Variants in WASF1 observed in about 807,000 individuals in gnomAD.
WASF1 encodes the protein actin-binding protein WASF1.
WASF1 carries 7 observed loss-of-function variants against 50.5 expected under a neutral mutation model. The observed-to-expected ratio is 0.14, with a 90% CI of 0.08 to 0.26. The LOEUF (loss-of-function observed/expected upper bound fraction) is 0.26. WASF1 is among the 10% of genes least tolerant of loss of function. The pLI is 1.00. For synonymous variants in WASF1, 205 were observed against 244.0 expected (o/e 0.84, Z 1.49); for missense variants, 470 against 694.7 (o/e 0.68, Z 3.64).
At chr6:110,177,471 T>C (rs1776979419) in intron 2 of WASF1, among the ~76,000 whole-genome samples, 1 of 152,114 alleles carries the variant, frequency 6.6e-6, no homozygotes, top group African/African-American at 2.4e-5. Flanking sequence ...AATCCTGACA[T>C]TTTTTCATTG....
chr6:110,179,480 T>A lies in WASF1; in HGVS notation c.-313A>T, dbSNP rs1395331239. 1 of 152,008 alleles carries A rather than the reference T, an allele frequency of 6.6e-6. No individual in the cohort carries two copies. Among genetic ancestry groups the A allele is most frequent in the East Asian group, 1.9e-4 (1 of 5,138 alleles). The allele number at this position is 152,008 out of a possible 1,614,324, so 9.4% of individuals were successfully genotyped here. ...CTCACGCCTTACCCCTTCTTCATGC[T>A]TCGGCAGCGGTCGCCGGTCCCCCTC... On this transcript the variant is annotated 5_prime_UTR_variant, in exon 1 of 11. In the 5' UTR this introduces an upstream ATG that the reference lacks. Transcript: ENST00000392589.
At chr6:110,127,661 T>C (rs760008506) in intron 3 of WASF1, 32 bp from the exon 4 acceptor site, 599 of 1,452,726 alleles carry the variant, frequency 4.1e-4, no homozygotes, top group Non-Finnish European at 5.2e-4. Context: ...TTAACAATAT[T>C]AAATTTCAGC....
chr6:110,124,677 CGGGT>C (rs1191172392), intron 4 of WASF1, among the ~76,000 whole-genome samples: 1 of 151,998 alleles, frequency 6.6e-6, no homozygotes, highest in Non-Finnish European at 1.5e-5. Context: ...GAGGCCGAGG[CGGGT>C]GGATCACTTG....
chr6:110,143,669 T>C (rs1440044391), intron 3 of WASF1, among the ~76,000 whole-genome samples: 1 of 152,176 alleles, frequency 6.6e-6, no homozygotes, highest in Non-Finnish European at 1.5e-5. Context: ...CATTAACAGT[T>C]AATAATTGCT....
At chr6:110,178,098 C>A (rs1349384268) in intron 2 of WASF1, among the ~76,000 whole-genome samples, 1 of 151,234 alleles carries the variant, frequency 6.6e-6, no homozygotes, top group South Asian at 2.1e-4. Context: ...AAAATAAAAT[C>A]AGATAAATTA....
At chr6:110,121,670 G>C (rs759362072) in intron 4 of WASF1, among the ~76,000 whole-genome samples, 1 of 152,090 alleles carries the variant, frequency 6.6e-6, no homozygotes, top group Non-Finnish European at 1.5e-5. Flanking sequence ...TTGATCCAGC[G>C]ATCCCATTAC....
intron 2 of WASF1, among the ~76,000 whole-genome samples, chr6:110,174,407 C>CTATG (rs1296930069): frequency 6.6e-6 from 1 of 152,134 alleles, no homozygotes; most frequent in Non-Finnish European, 1.5e-5. Flanking sequence ...TGATTATGAA[C>CTATG]TATGAATCAC....
At chr6:110,137,820 C>T (rs1775035615) in intron 3 of WASF1, among the ~76,000 whole-genome samples, 1 of 152,222 alleles carries the variant, frequency 6.6e-6, no homozygotes, top group African/African-American at 2.4e-5. Flanking sequence ...AGAAAATAAA[C>T]TGTAACTAAT....
At position 110,133,140 on chromosome 6, in the gene WASF1, G is replaced by A. The variant is rs560755101; in HGVS notation, c.-28-5511C>T. The stretch of plus-strand genomic sequence containing the variant: ...ACTCACTTTTCTTTATCCACTTGTC[G>A]AATGATAAGCATTTGGGCTGGTTCC... On this transcript the variant is annotated intron_variant, in intron 3 of 10. Coordinates refer to ENST00000392589, the MANE Select transcript of WASF1 (RefSeq NM_003931.3). Among the ~76,000 whole-genome samples, 5 of 151,976 alleles carry A rather than the reference G, an allele frequency of 3.3e-5. No individual in the cohort carries two copies. In the South Asian group the frequency reaches 8.3e-4, roughly 25 times the overall value.
chr6:110,175,393 T>TA (rs573296732), intron 2 of WASF1, among the ~76,000 whole-genome samples: 95 of 152,112 alleles, frequency 6.2e-4, no homozygotes, highest in African/African-American at 2.3e-3. Flanking sequence ...TTTAAGAGAC[T>TA]AAAAAATCTT....
intron 3 of WASF1, among the ~76,000 whole-genome samples, chr6:110,128,957 A>T (rs1211237073): frequency 6.6e-6 from 1 of 152,168 alleles, no homozygotes; most frequent in African/African-American, 2.4e-5. Flanking sequence ...GAGGTGGTAC[A>T]GTTTCATCGC....
chr6:110,151,512 C>A (rs1159840245), intron 3 of WASF1, among the ~76,000 whole-genome samples: 1 of 152,112 alleles, frequency 6.6e-6, no homozygotes, highest in Non-Finnish European at 1.5e-5. Context: ...TATAAGAATT[C>A]TATAAACTCA....
At chr6:110,121,868 G>A (rs1443843848) in intron 4 of WASF1, among the ~76,000 whole-genome samples, 2 of 152,146 alleles carry the variant, frequency 1.3e-5, no homozygotes, top group African/African-American at 4.8e-5. Flanking sequence ...AAAAGGATGA[G>A]TTCATGTCCT....
chr6:110,111,390 G>A (rs982540253), intron 5 of WASF1, among the ~76,000 whole-genome samples: 1 of 151,332 alleles, frequency 6.6e-6, no homozygotes, highest in Non-Finnish European at 1.5e-5. Context: ...ACCTAAAGAA[G>A]GGGAGAAAAT....
At chr6:110,170,681 G>A (rs1039420065) in intron 2 of WASF1, among the ~76,000 whole-genome samples, 1 of 150,646 alleles carries the variant, frequency 6.6e-6, no homozygotes, top group Non-Finnish European at 1.5e-5. Flanking sequence ...AAAAAAAAAA[G>A]ACCTAACTAT....
At chr6:110,141,570 C>A (rs988839689) in intron 3 of WASF1, among the ~76,000 whole-genome samples, 14 of 152,276 alleles carry the variant, frequency 9.2e-5, no homozygotes, top group African/African-American at 3.1e-4. Context: ...TTTGTTTACA[C>A]ATCCATGCCT....
chr6:110,164,693 C>A (rs925676506), intron 2 of WASF1, among the ~76,000 whole-genome samples: 2 of 151,590 alleles, frequency 1.3e-5, no homozygotes, highest in Non-Finnish European at 3.0e-5. Flanking sequence ...CAAAAACATT[C>A]TTTGATATTT....
chr6:110,131,749 C>T (rs960934801), intron 3 of WASF1, among the ~76,000 whole-genome samples: 3 of 152,142 alleles, frequency 2.0e-5, no homozygotes, highest in Non-Finnish European at 4.4e-5. Context: ...ACAATTGACC[C>T]ACCTCAGCCT....
At chr6:110,148,248 C>A (rs560066228) in intron 3 of WASF1, among the ~76,000 whole-genome samples, 1 of 151,994 alleles carries the variant, frequency 6.6e-6, no homozygotes, top group South Asian at 2.1e-4. Flanking sequence ...TTCATTCATT[C>A]ATCTAACCAA....
Sources: allele counts gnomAD v4.1 joint callset (sites outside exome capture counted in the v4.1 genomes callset), GRCh38; gene constraint gnomAD v4.1.1; transcripts MANE v1.5; gene names NCBI Gene and HGNC (gene_info 2026-07-23, HGNC 2026-07-21).